LINGO2: variants seen among roughly 807,000 people sequenced by gnomAD.
LINGO2 encodes leucine rich repeat and Ig domain containing 2, also known as leucine-rich repeat and immunoglobulin-like domain-containing nogo receptor-interacting protein 2.
In LINGO2, 14 loss-of-function variants were observed where a neutral mutation model predicts 30.6. That is an observed-to-expected ratio of 0.46 (90% CI 0.30 to 0.72). The LOEUF (loss-of-function observed/expected upper bound fraction) is 0.72. Among genes scored for constraint, LINGO2 ranks in the 30% least tolerant of loss-of-function variants. LINGO2 has a pLI of 0.07. For synonymous variants in LINGO2, 317 were observed against 288.5 expected (o/e 1.10, Z -1.00); for missense variants, 729 against 751.7 (o/e 0.97, Z 0.35).
intron 1 of LINGO2, among the ~76,000 whole-genome samples, chr9:28,575,557 T>C (rs1167971489): frequency 1.3e-5 from 2 of 151,404 alleles, no homozygotes; most frequent in Non-Finnish European, 2.9e-5. Context: ...AGAGAGGAGG[T>C]GGGGGCAAGG....
At chr9:28,607,281 C>T (rs1825733719) in intron 1 of LINGO2, among the ~76,000 whole-genome samples, 1 of 151,878 alleles carries the variant, frequency 6.6e-6, no homozygotes, top group African/African-American at 2.4e-5. Context: ...AAAGAAGTCA[C>T]CATGAAGAAA....
the LINGO2 span, among the ~76,000 whole-genome samples, chr9:28,711,308 T>C: frequency 1.2e-4 from 18 of 152,200 alleles, no homozygotes; most frequent in East Asian, 3.5e-3. Context: ...AGCTTAGTGA[T>C]CAAATAGAAG....
At chr9:28,342,875 C>T (rs1404985484) in intron 3 of LINGO2, among the ~76,000 whole-genome samples, 1 of 151,998 alleles carries the variant, frequency 6.6e-6, no homozygotes, top group Non-Finnish European at 1.5e-5. Flanking sequence ...AAAACAATAA[C>T]AAAAACAGCT....
intron 1 of LINGO2, among the ~76,000 whole-genome samples, chr9:28,493,424 T>C (rs955562196): frequency 6.6e-6 from 1 of 152,118 alleles, no homozygotes; most frequent in African/African-American, 2.4e-5. Context: ...CAGCTAAGGA[T>C]ACCACAGACA....
At chr9:29,050,294 G>A in the LINGO2 span, among the ~76,000 whole-genome samples, 5 of 152,058 alleles carry the variant, frequency 3.3e-5, no homozygotes, top group Admixed American at 3.3e-4. Flanking sequence ...CAAAGTGCTG[G>A]GATTACAGGC....
At chr9:28,716,944 G>T in the LINGO2 span, among the ~76,000 whole-genome samples, 1 of 151,840 alleles carries the variant, frequency 6.6e-6, no homozygotes, top group Non-Finnish European at 1.5e-5. Context: ...TATCAATGGG[G>T]TATCATAGTG....
chr9:29,012,311 T>C, the LINGO2 span, among the ~76,000 whole-genome samples: 1 of 151,792 alleles, frequency 6.6e-6, no homozygotes, highest in East Asian at 1.9e-4. Flanking sequence ...TGAGCTGAGA[T>C]CACACCACTG....
In LINGO2 at chr9:28,351,464, C is replaced by T. The variant is rs1292187373; in HGVS notation, c.-246+21372G>A. Reference sequence around the variant, plus strand: ...GACTAAACCAGGAAGAAGTTGAATCCCTGAATAGACCAATAACAGGAGCTG... The same window carrying T: ...GACTAAACCAGGAAGAAGTTGAATCTCTGAATAGACCAATAACAGGAGCTG... On this transcript the variant is annotated intron_variant, in intron 3 of 5. Transcript: ENST00000379992. Among the ~76,000 whole-genome samples the T allele has an allele frequency of 4.8e-3, 716 of 150,646 alleles. 8 individuals are homozygous for T. The highest frequency in any genetic ancestry group is 0.017 in the African/African-American group (680 of 40,278).
the LINGO2 span, among the ~76,000 whole-genome samples, chr9:29,048,472 C>T: frequency 6.6e-6 from 1 of 151,070 alleles, no homozygotes; most frequent in African/African-American, 2.4e-5. Context: ...AAAAAAAAAT[C>T]CTAAAATTTA....
rs1173030063 is a variant in LINGO2, at chr9:28,606,702, CT to C, written c.-365+63497del. On this transcript the variant is annotated intron_variant, in intron 1 of 5. Coordinates refer to ENST00000379992, the Ensembl canonical transcript of LINGO2. Reference sequence around the variant, plus strand: ...ATGAAAGGATACCAAAACATTTACTCTTTACTGATGCTTCCACAACTAGCTA... The same window carrying C: ...ATGAAAGGATACCAAAACATTTACTCTTACTGATGCTTCCACAACTAGCTA... Among the ~76,000 whole-genome samples the C allele has an allele frequency of 5.9e-5, 9 of 152,140 alleles. No homozygotes were observed. In the South Asian group the frequency reaches 1.4e-3, roughly 24 times the overall value.
rs141886702 is a variant in LINGO2 at position 28,403,538 on chromosome 9, C to A, written c.-278-30670G>T. Among the ~76,000 whole-genome samples the A allele has an allele frequency of 6.6e-5, 10 of 152,260 alleles. 1 individual carries two copies. The East Asian group carries it at 1.9e-3, about 29-fold the overall frequency. On this transcript the variant is annotated intron_variant, in intron 2 of 5. Transcript: ENST00000379992. ...CAAATGCAGTAATTATGATTGTTGT[C>A]TTTGCCCGCAATACCTTTATTTAAC...
chr9:29,211,068 T>C, the LINGO2 span, among the ~76,000 whole-genome samples: 1 of 152,216 alleles, frequency 6.6e-6, no homozygotes, highest in Non-Finnish European at 1.5e-5. Context: ...TCCTGGAATA[T>C]TCCACACCCG....
chr9:28,101,532 T>G (rs2133314165), intron 4 of LINGO2, among the ~76,000 whole-genome samples: 1 of 152,308 alleles, frequency 6.6e-6, no homozygotes, highest in South Asian at 2.1e-4. Flanking sequence ...TTAGAACAAC[T>G]TTTCACTGAC....
intron 3 of LINGO2, among the ~76,000 whole-genome samples, chr9:28,358,883 C>T (rs1820332612): frequency 6.6e-6 from 1 of 152,074 alleles, no homozygotes; most frequent in South Asian, 2.1e-4. Context: ...GTTATTTGGG[C>T]TGATTTGCCT....
the LINGO2 span, among the ~76,000 whole-genome samples, chr9:29,205,699 T>C: frequency 6.6e-6 from 1 of 152,184 alleles, no homozygotes; most frequent in African/African-American, 2.4e-5. Flanking sequence ...TAGGAAGATT[T>C]TTTGTTTTGT....
At chr9:28,442,609 C>A (rs989442968) in intron 2 of LINGO2, among the ~76,000 whole-genome samples, 2 of 151,978 alleles carry the variant, frequency 1.3e-5, no homozygotes, top group African/African-American at 4.8e-5. Context: ...CATATACTTC[C>A]ATTAAATGCA....
At chr9:28,959,769 A>G in the LINGO2 span, among the ~76,000 whole-genome samples, 1 of 152,058 alleles carries the variant, frequency 6.6e-6, no homozygotes, top group Non-Finnish European at 1.5e-5. Flanking sequence ...GGCAATTTTC[A>G]AGGCCTGGAA....
chr9:28,211,843 T>C (rs1820603182), intron 4 of LINGO2, among the ~76,000 whole-genome samples: 1 of 151,434 alleles, frequency 6.6e-6, no homozygotes, highest in South Asian at 2.1e-4. Flanking sequence ...CTTACTTTCC[T>C]TTTTCTCTCT....
the LINGO2 span, among the ~76,000 whole-genome samples, chr9:29,081,044 G>A: frequency 6.6e-6 from 1 of 152,002 alleles, no homozygotes; most frequent in African/African-American, 2.4e-5. Flanking sequence ...CCAATCATTA[G>A]AAAAAGAGGG....
Sources: gnomAD v4.1 joint callset for allele counts (sites outside exome capture counted in the v4.1 genomes callset) on GRCh38, gnomAD v4.1.1 for gene constraint, MANE v1.5 for transcripts, NCBI Gene and HGNC (gene_info 2026-07-23, HGNC 2026-07-21) for gene names.